KMT2C: variants seen among roughly 807,000 people sequenced by gnomAD.
The protein encoded by KMT2C is histone-lysine N-methyltransferase 2C.
A neutral mutation model predicts 507.9 loss-of-function variants in KMT2C; 88 were observed. The observed-to-expected ratio is 0.17, with a 90% CI of 0.15 to 0.21. The LOEUF is 0.21. KMT2C is among the 10% of genes least tolerant of loss of function. KMT2C has a pLI of 1.00. For missense variants in KMT2C, 4,954 were observed against 5,957.8 expected (o/e 0.83, Z 5.55); for synonymous variants, 2,049 against 2,080.8 (o/e 0.98, Z 0.42).
intron 1 of KMT2C, among the ~76,000 whole-genome samples, chr7:152,386,345 C>T (rs2097426340): frequency 6.6e-6 from 1 of 152,308 alleles, no homozygotes; most frequent in Non-Finnish European, 1.5e-5. Context: ...ATCCCCCTTC[C>T]CACTTTACAG....
In KMT2C at chr7:152,248,544, C is replaced by T. The variant is rs1436307991; in HGVS notation, c.1890G>A (p.Met630Ile). 6.2e-7 allele frequency: 1 copy of T among 1,614,046 alleles called. No homozygotes were observed. The highest frequency in any genetic ancestry group is 1.3e-5 in the African/African-American group (1 of 75,054). ...SNEVDSEDLKMSSEVKHICGE... is the reference protein window; with the variant it reads ...SNEVDSEDLKISSEVKHICGE... ...CACAAATATGCTTCACTTCAGAAGA[C>T]ATTTTCAGGTCTTCACTATCAACTT... The change falls in exon 14 of 59, where the codon ATG (methionine) becomes ATA (isoleucine). Residue 630 changes from methionine to isoleucine, a missense_variant. Met to Ile is a conservative substitution (Grantham distance 10). Around this residue, in one of 29 missense-constraint regions of KMT2C, gnomAD observed 376 missense variants for 352.4 expected, o/e 1.07. Transcript: ENST00000262189.
chr7:152,433,034 G>T (rs1252344750), intron 1 of KMT2C, among the ~76,000 whole-genome samples: 2 of 151,908 alleles, frequency 1.3e-5, no homozygotes, highest in African/African-American at 4.8e-5. Context: ...TGTAATCCCA[G>T]CTACTCTGGA....
intron 2 of KMT2C, among the ~76,000 whole-genome samples, chr7:152,343,394 T>C (rs2097018132): frequency 1.3e-5 from 2 of 150,240 alleles, no homozygotes; most frequent in African/African-American, 2.5e-5. Flanking sequence ...ATCTCATTGC[T>C]TGAAGATATT....
rs188129483 is a variant in KMT2C, at chr7:152,238,855, G to A, written c.2533-29C>T. On this transcript the variant is annotated intron_variant, in intron 14 of 58. Transcript: ENST00000262189. ...GGATATGGCAGTTGAGAAAATAGATGTGTAAAACTCAGCAACATAAAAGGT... is the reference window on the plus strand; with the variant it reads ...GGATATGGCAGTTGAGAAAATAGATATGTAAAACTCAGCAACATAAAAGGT... The A allele has an allele frequency of 1.1e-3, 1,708 of 1,572,838 alleles. 2 individuals carry two copies. Among genetic ancestry groups the A allele is most frequent in the Non-Finnish European group, 1.3e-3 (1,568 of 1,164,550 alleles).
chr7:152,147,991 A>C, intron 52 of KMT2C, 42 bp downstream of exon 52: 2 of 1,498,902 alleles, frequency 1.3e-6, no homozygotes, highest in Middle Eastern at 2.0e-4. Flanking sequence ...GCCTGACATC[A>C]GAGTAAGTAG....
chr7:152,392,205 C>T (rs2097504405), intron 1 of KMT2C, among the ~76,000 whole-genome samples: 1 of 152,052 alleles, frequency 6.6e-6, no homozygotes, highest in Non-Finnish European at 1.5e-5. Context: ...TTCTCCCCTA[C>T]CCCCCACAAC....
At chr7:152,370,750 T>A (rs113452584) in intron 1 of KMT2C, among the ~76,000 whole-genome samples, 6 of 152,374 alleles carry the variant, frequency 3.9e-5, no homozygotes, top group South Asian at 2.1e-4. Flanking sequence ...GAAGTCTAAA[T>A]CACTGGTCAG....
chr7:152,428,168 T>C (rs900435434), intron 1 of KMT2C, among the ~76,000 whole-genome samples: 3 of 152,168 alleles, frequency 2.0e-5, no homozygotes, highest in African/African-American at 7.2e-5. Flanking sequence ...TTGAAAACTT[T>C]CATTTAAAAA....
intron 9 of KMT2C, among the ~76,000 whole-genome samples, chr7:152,255,130 T>TACACAC (rs1365524025): frequency 8.1e-6 from 1 of 123,186 alleles, no homozygotes; most frequent in African/African-American, 3.5e-5. Context: ...TATATATATA[T>TACACAC]ATATATATAT....
Position 152,135,258 on chromosome 7 carries a change from C to T in KMT2C, c.*1574G>A, listed in dbSNP as rs2089783731. 1 of 220,612 alleles carries T rather than the reference C, an allele frequency of 4.5e-6. No individual in the cohort carries two copies. Among genetic ancestry groups the T allele is most frequent in the South Asian group, 1.8e-4 (1 of 5,426 alleles). 13.7% of individuals were successfully genotyped at this position (220,612 alleles called of 1,614,324 possible). A position where few individuals can be genotyped will look rare whatever the true frequency, so the allele number is the denominator to read the frequency against. On this transcript the variant is annotated 3_prime_UTR_variant, in exon 59 of 59. Transcript: ENST00000262189. ...CATCACTGAATATACCAACAGTTTA[C>T]AGTCCACTTGAATTGTGCACACAAA...
At position 152,248,523 on chromosome 7, in the gene KMT2C, A is replaced by T. The variant is rs142435055; in HGVS notation, c.1911T>A (p.Ile637=). The change falls in exon 14 of 59, where the codon ATT becomes ATA. Residue 637 remains isoleucine, a synonymous_variant. Transcript: ENST00000262189. ...TATCTTCAATTTGATCTTCGCCACA[A>T]ATATGCTTCACTTCAGAAGACATTT... ...DLKMSSEVKH[I]CGEDQIEDKM... 13 of 1,613,998 alleles carry T rather than the reference A, an allele frequency of 8.1e-6. No individual in the cohort carries two copies. In the African/African-American group the frequency reaches 1.7e-4, roughly 22 times the overall value.
chr7:152,243,599 T>A (rs1228177219), intron 14 of KMT2C, among the ~76,000 whole-genome samples: 1 of 152,060 alleles, frequency 6.6e-6, no homozygotes, highest in Admixed American at 6.5e-5. Context: ...CTAACCAATA[T>A]GGCGAAACAC....
At chr7:152,290,956 C>T (rs935574483) in intron 6 of KMT2C, among the ~76,000 whole-genome samples, 2 of 151,878 alleles carry the variant, frequency 1.3e-5, no homozygotes, top group Admixed American at 1.3e-4. Context: ...ATATGAAGGG[C>T]TAAAAGGAAT....
intron 43 of KMT2C, among the ~76,000 whole-genome samples, chr7:152,159,496 G>A (rs1184560024): frequency 2.0e-5 from 3 of 152,194 alleles, no homozygotes; most frequent in African/African-American, 7.2e-5. Flanking sequence ...AGTGAAATAT[G>A]AGGTGTGCTG....
intron 1 of KMT2C, among the ~76,000 whole-genome samples, chr7:152,364,679 A>G (rs1466630294): frequency 1.3e-5 from 2 of 151,938 alleles, no homozygotes; most frequent in African/African-American, 4.8e-5. Context: ...TGTGATTAGA[A>G]ATGACAAAAG....
intron 1 of KMT2C, among the ~76,000 whole-genome samples, chr7:152,423,245 C>A (rs906633222): frequency 4.6e-5 from 7 of 152,040 alleles, no homozygotes; most frequent in African/African-American, 1.7e-4. Context: ...GAGGCTAAGG[C>A]AGGAGAATCG....
intron 2 of KMT2C, among the ~76,000 whole-genome samples, chr7:152,343,693 A>G (rs2097023123): frequency 6.6e-6 from 1 of 152,146 alleles, no homozygotes; most frequent in South Asian, 2.1e-4. Flanking sequence ...AGGGAAAAAA[A>G]TACCTAAGGT....
chr7:152,183,168 G>A lies in KMT2C; in HGVS notation c.5083-12C>T. On this transcript the variant is annotated splice_polypyrimidine_tract_variant and intron_variant, in intron 34 of 58. Coordinates refer to ENST00000262189, the MANE Select transcript of KMT2C (RefSeq NM_170606.3). ...TCTCTGGCTTTTTGCTTTGACAAAA[G>A]AAGAGAAAAAAATTTCCCAGATTAT... is the stretch of plus-strand genomic sequence containing the variant. 2 of 1,501,348 alleles carry A rather than the reference G, an allele frequency of 1.3e-6. No homozygotes were observed. The highest frequency in any genetic ancestry group is 1.4e-5 in the South Asian group (1 of 73,292). The allele number at this position is 1,501,348 out of a possible 1,614,324, so 93.0% of individuals were successfully genotyped here.
At chr7:152,139,413 A>G (rs2129089631) in intron 56 of KMT2C, among the ~76,000 whole-genome samples, 154 bp from the exon 57 acceptor site, 1 of 152,354 alleles carries the variant, frequency 6.6e-6, no homozygotes, top group East Asian at 1.9e-4. Flanking sequence ...TGACATTTAC[A>G]TGGCACGAAT....
Sources: gnomAD v4.1 joint callset for allele counts (sites outside exome capture counted in the v4.1 genomes callset) on GRCh38, gnomAD v4.1.1 for gene constraint, gnomAD v4.1.1 regional missense constraint, MANE v1.5 for transcripts, NCBI Gene and HGNC (gene_info 2026-07-23, HGNC 2026-07-21) for gene names.